Variants in LHFPL2 observed in about 807,000 individuals in gnomAD.
LHFPL2 encodes LHFPL tetraspan subfamily member 2.
A neutral mutation model predicts 17.5 loss-of-function variants in LHFPL2; 7 were observed. The ratio of observed to expected loss-of-function variants is 0.40; its 90% confidence interval spans 0.23 to 0.75. LHFPL2 has a LOEUF of 0.75. LHFPL2 is among the 30% of genes least tolerant of loss of function. The pLI is 0.37. For synonymous variants in LHFPL2, 134 were observed against 116.2 expected, an observed-to-expected ratio of 1.15 and a Z score of -0.99; for missense variants, 241 against 294.8, an observed-to-expected ratio of 0.82 and a Z score of 1.34.
rs1743057139 is a variant in LHFPL2, at chr5:78,580,133, T to A, written c.-244-15262A>T. On this transcript the variant is annotated intron_variant, in intron 2 of 4. Transcript: ENST00000380345. ...AGCATTTTTTCATGTGTTTTTTGGC[T>A]GCATAAATGTCTTCTTTTGAGAAGT... Among the ~76,000 whole-genome samples, 2 of 152,230 alleles carry A rather than the reference T, an allele frequency of 1.3e-5. 1 individual carries two copies. The highest frequency in any genetic ancestry group is 4.1e-4 in the South Asian group (2 of 4,832).
chr5:78,561,440 T>C (rs778318694), intron 3 of LHFPL2, among the ~76,000 whole-genome samples: 1 of 152,202 alleles, frequency 6.6e-6, no homozygotes, highest in Admixed American at 6.5e-5. Context: ...GGAAGAGACC[T>C]GTCCCCAGTT....
chr5:78,540,474 GCCTCAGCCAT>G (rs1348311105), intron 3 of LHFPL2, among the ~76,000 whole-genome samples: 1 of 152,182 alleles, frequency 6.6e-6, no homozygotes, highest in African/African-American at 2.4e-5. Context: ...TCAGATCCTG[GCCTCAGCCAT>G]CCTTTTTAGG....
intron 2 of LHFPL2, among the ~76,000 whole-genome samples, chr5:78,616,150 T>C (rs1197976345): frequency 6.6e-6 from 1 of 151,722 alleles, no homozygotes; most frequent in Non-Finnish European, 1.5e-5. Flanking sequence ...TTTTTTGAGA[T>C]GAAGTCTCAC....
chr5:78,515,018 C>T (rs973831630), intron 3 of LHFPL2, among the ~76,000 whole-genome samples: 3 of 152,120 alleles, frequency 2.0e-5, no homozygotes, highest in Non-Finnish European at 2.9e-5. Context: ...TGACACTTCA[C>T]CCCTAAATAC....
At chr5:78,568,792 C>T (rs1756923683) in intron 2 of LHFPL2, among the ~76,000 whole-genome samples, 1 of 152,162 alleles carries the variant, frequency 6.6e-6, no homozygotes, top group Admixed American at 6.5e-5. Context: ...GAGGTCTATG[C>T]CCATCCACAG....
At chr5:78,586,890 C>T (rs537445143) in intron 2 of LHFPL2, among the ~76,000 whole-genome samples, 132 of 152,320 alleles carry the variant, frequency 8.7e-4, no homozygotes, top group African/African-American at 3.1e-3. Flanking sequence ...TATATACCAA[C>T]ACTTGGAATA....
chr5:78,509,935 G>C lies in LHFPL2; in HGVS notation c.279C>G (p.Ala93=). 1.2e-6 allele frequency: 2 copies of C among 1,613,800 alleles called. No individual in the cohort carries two copies. The highest frequency in any genetic ancestry group is 1.7e-6 in the Non-Finnish European group (2 of 1,180,034). ...GPYAESFGEI[A]SGFWQATAIF... is the part of the protein sequence containing the mutation. ...TAGCTGTGGCCTGCCAGAAGCCGCTGGCGATCTCGCCGAAGCTCTCGGCGT... is the reference window on the plus strand; with the variant it reads ...TAGCTGTGGCCTGCCAGAAGCCGCTCGCGATCTCGCCGAAGCTCTCGGCGT... The change falls in exon 4 of 5, where the codon GCC becomes GCG. Residue 93 remains alanine (A), a synonymous_variant. Transcript: ENST00000380345.
chr5:78,501,014 A>G (rs2112305168), intron 4 of LHFPL2, among the ~76,000 whole-genome samples: 1 of 152,330 alleles, frequency 6.6e-6, no homozygotes, highest in Admixed American at 6.5e-5. Flanking sequence ...TTTACTGAGC[A>G]TCTACTATGT....
intron 3 of LHFPL2, among the ~76,000 whole-genome samples, chr5:78,539,195 G>A (rs114561409): frequency 0.018 from 2,783 of 152,284 alleles, 40 homozygotes; most frequent in Middle Eastern, 0.041. Flanking sequence ...CCTCGGCCAC[G>A]TGAAGACACA....
chr5:78,531,360 A>G (rs1178866671), intron 3 of LHFPL2, among the ~76,000 whole-genome samples: 4 of 150,756 alleles, frequency 2.7e-5, no homozygotes. Flanking sequence ...GGTTGTGGTG[A>G]GCACAGATCG....
chr5:78,605,157 C>G (rs1744169503), intron 2 of LHFPL2, among the ~76,000 whole-genome samples: 1 of 152,218 alleles, frequency 6.6e-6, no homozygotes, highest in South Asian at 2.1e-4. Context: ...AAGCCAAGTG[C>G]AGAAGCCATG....
intron 1 of LHFPL2, among the ~76,000 whole-genome samples, chr5:78,636,247 C>T (rs866306457): frequency 1.3e-5 from 2 of 152,192 alleles, no homozygotes; most frequent in African/African-American, 4.8e-5. Context: ...TTCCTGTTAA[C>T]GTATAAATCA....
chr5:78,529,335 C>T (rs1235548117), intron 3 of LHFPL2, among the ~76,000 whole-genome samples: 2 of 152,168 alleles, frequency 1.3e-5, no homozygotes, highest in East Asian at 3.8e-4. Context: ...ACCTGGAATC[C>T]TGTAGCAACT....
In LHFPL2 at chr5:78,510,352, T is replaced by A; in HGVS notation, c.-139A>T. 2 of 867,494 alleles carry A rather than the reference T, an allele frequency of 2.3e-6. No homozygotes were observed. The highest frequency in any genetic ancestry group is 3.5e-6 in the Non-Finnish European group (2 of 575,336). The allele number at this position is 867,494 out of a possible 1,614,324, so 53.7% of individuals were successfully genotyped here. A position where few individuals can be genotyped will look rare whatever the true frequency, so the allele number is the denominator to read the frequency against. ...TCACTCCCGCCGCCGGCCGCGTTCA[T>A]GCTGGGGACAGCGCTCCCGGACCCA... is the stretch of plus-strand genomic sequence containing the variant. On this transcript the variant is annotated 5_prime_UTR_variant, in exon 4 of 5. It removes an upstream start codon present in the reference 5' UTR. Transcript: ENST00000380345.
chr5:78,582,426 G>A (rs1231034146), intron 2 of LHFPL2, among the ~76,000 whole-genome samples: 1 of 149,994 alleles, frequency 6.7e-6, no homozygotes, highest in Non-Finnish European at 1.5e-5. Flanking sequence ...GGCATTTAGT[G>A]CTATAAATTT....
At chr5:78,495,788 C>T (rs540816807) in intron 4 of LHFPL2, among the ~76,000 whole-genome samples, 53 of 152,320 alleles carry the variant, frequency 3.5e-4, no homozygotes, top group African/African-American at 1.3e-3. Flanking sequence ...AGTTCCCAAG[C>T]GTGTCCACGG....
intron 2 of LHFPL2, among the ~76,000 whole-genome samples, chr5:78,578,792 T>A (rs1024611398): frequency 6.6e-6 from 1 of 152,216 alleles, no homozygotes; most frequent in Non-Finnish European, 1.5e-5. Context: ...TTGACAACAT[T>A]CCACTCTACT....
intron 2 of LHFPL2, among the ~76,000 whole-genome samples, chr5:78,615,839 A>T (rs1233032136): frequency 6.6e-6 from 1 of 151,996 alleles, no homozygotes; most frequent in African/African-American, 2.4e-5. Flanking sequence ...CTCCTTCCTC[A>T]GCCTGTCCTC....
At chr5:78,552,189 A>G (rs906279075) in intron 3 of LHFPL2, among the ~76,000 whole-genome samples, 4 of 148,884 alleles carry the variant, frequency 2.7e-5, no homozygotes, top group Non-Finnish European at 4.4e-5. Flanking sequence ...GCTGGAGTGC[A>G]GTGGCGCGAT....
Sources: allele counts gnomAD v4.1 joint callset (sites outside exome capture counted in the v4.1 genomes callset), GRCh38; gene constraint gnomAD v4.1.1; transcripts MANE v1.5; gene names NCBI Gene and HGNC (gene_info 2026-07-23, HGNC 2026-07-21).